Variants in LAPTM4B observed in about 807,000 individuals in gnomAD.
LAPTM4B encodes the protein lysosomal protein transmembrane 4 beta.
A neutral mutation model predicts 28.5 loss-of-function variants in LAPTM4B; 26 were observed. The ratio of observed to expected loss-of-function variants is 0.91; its 90% CI spans 0.67 to 1.27. LAPTM4B has a LOEUF of 1.27. Among genes scored for constraint, LAPTM4B ranks in the 50% most tolerant of loss-of-function variants. The pLI is 0.00. For missense variants in LAPTM4B, 288 were observed against 285.8 expected (o/e 1.01, Z -0.06); for synonymous variants, 109 against 106.4 (o/e 1.02, Z -0.15).
chr8:97,789,706 A>T lies in LAPTM4B; in HGVS notation c.99+13598A>T, dbSNP rs1586321193. ...CTAATTTTTTTTGTATTTTTAGTAG[A>T]GATGGGATTTCTCCATGTTGGTCAG... On this transcript the variant is annotated intron_variant, in intron 1 of 6. Coordinates refer to ENST00000521545, the MANE Select transcript of LAPTM4B (RefSeq NM_018407.6). 2.0e-5 allele frequency among the ~76,000 whole-genome samples: 3 copies of T among 151,592 alleles called. No homozygotes were observed. In the South Asian group the frequency reaches 6.3e-4, roughly 32 times the overall value.
At chr8:97,783,522 A>G (rs1045945703) in intron 1 of LAPTM4B, among the ~76,000 whole-genome samples, 4 of 152,340 alleles carry the variant, frequency 2.6e-5, no homozygotes, top group East Asian at 1.9e-4. Flanking sequence ...GAAAATCTGC[A>G]TTAGTGAAAT....
At chr8:97,781,427 A>G (rs980129670) in intron 1 of LAPTM4B, among the ~76,000 whole-genome samples, 7 of 150,918 alleles carry the variant, frequency 4.6e-5, no homozygotes, top group Non-Finnish European at 7.4e-5. Flanking sequence ...ACAGGCACCC[A>G]CCACTGCGCT....
At position 97,815,202 on chromosome 8, in the gene LAPTM4B, G is replaced by T. The variant is rs549734865; in HGVS notation, c.212-126G>T. 1.0e-4 allele frequency: 71 copies of T among 699,520 alleles called. No individual in the cohort carries two copies. The highest frequency in any genetic ancestry group is 2.7e-4 in the Middle Eastern group (1 of 3,718). 43.3% of individuals were successfully genotyped at this position (699,520 alleles called of 1,614,324 possible). A position where few individuals can be genotyped will look rare whatever the true frequency, so the allele number is the denominator to read the frequency against. ...TTTTCTATTTTGAAATAATCTCTTA[G>T]TATAAAGTATTTACTAACTTTATGC... is the stretch of plus-strand genomic sequence containing the variant. On this transcript the variant is annotated intron_variant, in intron 2 of 6. Coordinates refer to ENST00000521545, the MANE Select transcript of LAPTM4B (RefSeq NM_018407.6).
intron 6 of LAPTM4B, among the ~76,000 whole-genome samples, chr8:97,842,495 C>G (rs901816663): frequency 6.6e-6 from 1 of 151,998 alleles, no homozygotes; most frequent in Non-Finnish European, 1.5e-5. Context: ...AACAGGAGTA[C>G]CTAATCTTTG....
At chr8:97,792,809 C>G (rs559165728) in intron 1 of LAPTM4B, among the ~76,000 whole-genome samples, 31 of 152,196 alleles carry the variant, frequency 2.0e-4, no homozygotes, top group Middle Eastern at 3.4e-3. Flanking sequence ...AACTCCTGAC[C>G]TCAAGTGATC....
chr8:97,782,906 TTTTATTTATTTATTTA>T lies in LAPTM4B; in HGVS notation c.99+6826_99+6841del, dbSNP rs60489660. On this transcript the variant is annotated intron_variant, in intron 1 of 6. Transcript: ENST00000521545. The stretch of plus-strand genomic sequence containing the variant: ...ACCACCATACCTGGCTAATTTTGTA[TTTTATTTATTTATTTA>T]TTTATTTATTTATTTATTTATTTAT... 3.3e-3 allele frequency among the ~76,000 whole-genome samples: 445 copies of T among 135,116 alleles called. 5 individuals are homozygous for T. Among genetic ancestry groups the T allele is most frequent in the African/African-American group, 0.011 (407 of 36,238 alleles). 88.6% of individuals were successfully genotyped at this position (135,116 alleles called of 152,430 possible). A position where few individuals can be genotyped will look rare whatever the true frequency, so the allele number is the denominator to read the frequency against.
intron 1 of LAPTM4B, among the ~76,000 whole-genome samples, chr8:97,795,437 A>G (rs963905049): frequency 6.6e-6 from 1 of 152,190 alleles, no homozygotes; most frequent in South Asian, 2.1e-4. Flanking sequence ...TTGTACGTTT[A>G]CATAAAAGGA....
chr8:97,782,340 GTGGCTCAATGCAGCCTTGTCTTCCC>G (rs111728444), intron 1 of LAPTM4B, among the ~76,000 whole-genome samples: 9,993 of 129,094 alleles, frequency 0.077, 745 homozygotes, highest in East Asian at 0.3. Flanking sequence ...CCAGGCTGGA[GTGGCTCAATGCAGCCTTGTCTTCCC>G]TGGCTCAAGC....
Position 97,775,899 on chromosome 8 carries a change from C to A in LAPTM4B, c.-111C>A. 1 of 1,401,758 alleles carries A rather than the reference C, an allele frequency of 7.1e-7. No individual in the cohort carries two copies. The highest frequency in any genetic ancestry group is 9.2e-7 in the Non-Finnish European group (1 of 1,081,224). The allele number at this position is 1,401,758 out of a possible 1,614,324, so 86.8% of individuals were successfully genotyped here. On this transcript the variant is annotated 5_prime_UTR_variant, in exon 1 of 7. Transcript: ENST00000521545. ...CCCGCGGGCGCACGGGCGAGCGGGC[C>A]GGGAGCCGGAGCGGCGGAGGAGCCG... is the stretch of plus-strand genomic sequence containing the variant.
intron 6 of LAPTM4B, among the ~76,000 whole-genome samples, chr8:97,829,053 C>T (rs1586340231): frequency 6.6e-6 from 1 of 152,078 alleles, no homozygotes; most frequent in African/African-American, 2.4e-5. Flanking sequence ...GCAGGCAGAA[C>T]TGGAAATGCA....
At chr8:97,786,258 A>C (rs996683022) in intron 1 of LAPTM4B, among the ~76,000 whole-genome samples, 18 of 152,320 alleles carry the variant, frequency 1.2e-4, no homozygotes, top group African/African-American at 4.3e-4. Flanking sequence ...ACACTTCTTC[A>C]GTTGCTCCTA....
intron 1 of LAPTM4B, among the ~76,000 whole-genome samples, chr8:97,785,940 A>C (rs939697014): frequency 6.6e-5 from 10 of 152,252 alleles, no homozygotes; most frequent in African/African-American, 2.4e-4. Flanking sequence ...TATTAAGTTA[A>C]CATGAGTTTT....
chr8:97,792,033 A>T (rs1466498610), intron 1 of LAPTM4B, among the ~76,000 whole-genome samples: 2 of 152,158 alleles, frequency 1.3e-5, no homozygotes, highest in African/African-American at 4.8e-5. Flanking sequence ...ATAATATATT[A>T]AAAAATTATA....
At chr8:97,796,723 TGA>T (rs1816590464) in intron 1 of LAPTM4B, among the ~76,000 whole-genome samples, 1 of 152,096 alleles carries the variant, frequency 6.6e-6, no homozygotes, top group Non-Finnish European at 1.5e-5. Context: ...GCAGATCACC[TGA>T]GGTCAGGAGT....
chr8:97,803,670 G>T (rs1363927495), intron 1 of LAPTM4B, among the ~76,000 whole-genome samples: 2 of 152,106 alleles, frequency 1.3e-5, no homozygotes, highest in Non-Finnish European at 2.9e-5. Context: ...TGGTTTTGAG[G>T]GAAGGTCTTA....
At chr8:97,818,837 C>A (rs952868578) in intron 4 of LAPTM4B, among the ~76,000 whole-genome samples, 13 of 144,052 alleles carry the variant, frequency 9.0e-5, no homozygotes, top group Admixed American at 6.5e-4. Flanking sequence ...AGTAGCTGAG[C>A]TGGGCGACAG....
At chr8:97,834,592 C>T (rs1240434082) in intron 6 of LAPTM4B, among the ~76,000 whole-genome samples, 2 of 151,730 alleles carry the variant, frequency 1.3e-5, no homozygotes, top group Admixed American at 6.6e-5. Flanking sequence ...TTTGAAGAGA[C>T]AGGGTCTCAC....
intron 1 of LAPTM4B, among the ~76,000 whole-genome samples, chr8:97,777,136 GGT>G (rs1816231768): frequency 3.5e-5 from 4 of 115,080 alleles, no homozygotes; most frequent in African/African-American, 9.8e-5. Context: ...TTTTCAGTGA[GGT>G]TTTTTTTTTT....
intron 6 of LAPTM4B, among the ~76,000 whole-genome samples, chr8:97,848,282 T>A (rs1586348732): frequency 6.6e-6 from 1 of 152,038 alleles, no homozygotes; most frequent in South Asian, 2.1e-4. Flanking sequence ...AACCAAAGAT[T>A]TAAAATGTTG....
Sources: gnomAD v4.1 joint callset for allele counts (sites outside exome capture counted in the v4.1 genomes callset) on GRCh38, gnomAD v4.1.1 for gene constraint, MANE v1.5 for transcripts, NCBI Gene and HGNC (gene_info 2026-07-23, HGNC 2026-07-21) for gene names.